The following GRM5 variants were observed in gnomAD, a reference collection of about 807,000 sequenced individuals.
GRM5 encodes the protein metabotropic glutamate receptor 5.
Under a neutral mutation model 83.1 loss-of-function variants are expected in GRM5, and 19 were observed. The observed-to-expected ratio is 0.23, with a 90% CI of 0.16 to 0.34. The LOEUF (loss-of-function observed/expected upper bound fraction) is 0.34. Among genes scored for constraint, GRM5 ranks in the 10% least tolerant of loss-of-function variants. The pLI, the probability that GRM5 is intolerant of heterozygous loss-of-function variation, is 1.00. For missense variants in GRM5, 1,160 were observed against 1,588.3 expected (o/e 0.73, Z 4.58); for synonymous variants, 675 against 633.6 (o/e 1.07, Z -0.98).
intron 8 of GRM5, among the ~76,000 whole-genome samples, chr11:88,525,774 A>C (rs2135108869): frequency 6.6e-6 from 1 of 152,360 alleles, no homozygotes; most frequent in East Asian, 1.9e-4. Flanking sequence ...GTCAGACACT[A>C]TGCTAGAACT....
chr11:88,567,213 T>G lies in GRM5; in HGVS notation c.2470A>C (p.Ile824Leu). 1 of 1,614,112 alleles carries G rather than the reference T, an allele frequency of 6.2e-7. No individual in the cohort carries two copies. Among genetic ancestry groups the G allele is most frequent in the Non-Finnish European group, 8.5e-7 (1 of 1,179,990 alleles). Residue 824 changes from isoleucine (I) to leucine (L), a missense_variant, in exon 8 of 10, where the codon ATC becomes CTC. Physicochemically the swap from Ile to Leu is conservative, Grantham distance 5. Around this residue, in one of 9 missense-constraint regions of GRM5, gnomAD observed 66 missense variants for 138.6 expected, o/e 0.48. Coordinates refer to ENST00000305447, the MANE Select transcript of GRM5 (RefSeq NM_001143831.3). This position sits in a 1 kb window ranked among gnomAD's most constrained non-coding sequence, Gnocchi z 7.3. ...TTTCTCTCTGGTTTGGCCAGGATGA[T>G]GTACACCTTCGGCACAAACATGCAG... ...LGCMFVPKVY[I>L]ILAKPERNVR...
chr11:88,987,453 A>G (rs1019436978), intron 2 of GRM5, among the ~76,000 whole-genome samples: 12 of 151,948 alleles, frequency 7.9e-5, no homozygotes, highest in African/African-American at 2.7e-4. Context: ...GCCATTGCCC[A>G]GGCTTGCTTA....
intron 6 of GRM5, among the ~76,000 whole-genome samples, chr11:88,591,523 C>T (rs1467428887): frequency 1.3e-5 from 2 of 152,170 alleles, no homozygotes; most frequent in African/African-American, 2.4e-5. Flanking sequence ...CCGGAATAGA[C>T]AGCATTCATT....
chr11:88,852,226 T>C (rs1944400289), intron 2 of GRM5, among the ~76,000 whole-genome samples: 1 of 152,314 alleles, frequency 6.6e-6, no homozygotes, highest in East Asian at 1.9e-4. Flanking sequence ...ACACTGTTTA[T>C]GTTTATATAA....
chr11:89,056,176 G>A (rs1401359177), intron 1 of GRM5, among the ~76,000 whole-genome samples: 2 of 151,792 alleles, frequency 1.3e-5, no homozygotes, highest in South Asian at 2.1e-4. Context: ...ATTTAAAGAT[G>A]ATATTTCTGG....
At chr11:88,947,465 C>A (rs1357877722) in intron 2 of GRM5, among the ~76,000 whole-genome samples, 4 of 152,004 alleles carry the variant, frequency 2.6e-5, no homozygotes, top group African/African-American at 9.7e-5. Context: ...GTTGTACTTA[C>A]AAATACACAT....
rs1937623198 is a variant in GRM5, at chr11:88,590,709, C to T, written c.1582G>A (p.Val528Ile). ...GGTGTACAGGTCCAACAACAGCTGA[C>T]TTCTCCCTTTCGGATCACCTAAGGC... ...GQIKVIRKGE[V>I]SCCWTCTPCK... The change falls in exon 7 of 10, where the codon GTC becomes ATC. Residue 528 changes from valine (V) to isoleucine (I), a missense_variant. This residue lies in a region of GRM5 where 132 missense variants were observed against 245.5 expected (regional missense o/e 0.54). Transcript: ENST00000305447. 1 of 1,611,860 alleles carries T rather than the reference C, an allele frequency of 6.2e-7. No homozygotes were observed. Among genetic ancestry groups the T allele is most frequent in the Admixed American group, 1.7e-5 (1 of 59,966 alleles).
intron 1 of GRM5, among the ~76,000 whole-genome samples, chr11:89,053,182 C>T (rs909702062): frequency 1.6e-4 from 24 of 151,986 alleles, no homozygotes; most frequent in African/African-American, 5.8e-4. Context: ...TGATTCAGCT[C>T]ATAGAGACAC....
chr11:89,041,237 G>A (rs1265194160), intron 2 of GRM5, among the ~76,000 whole-genome samples: 1 of 152,208 alleles, frequency 6.6e-6, no homozygotes, highest in Non-Finnish European at 1.5e-5. Context: ...TAGAACTGTG[G>A]AAGTGTCCAC....
intron 1 of GRM5, among the ~76,000 whole-genome samples, chr11:89,054,195 GGTAAGTA>G (rs1402586103): frequency 6.6e-6 from 1 of 152,114 alleles, no homozygotes; most frequent in Non-Finnish European, 1.5e-5. Flanking sequence ...TTGGAGATAC[GGTAAGTA>G]CAAGTGGTGA....
intron 3 of GRM5, among the ~76,000 whole-genome samples, chr11:88,738,626 A>T (rs966668060): frequency 3.3e-5 from 5 of 152,128 alleles, no homozygotes; most frequent in Admixed American, 6.6e-5. Context: ...TTTAAATCAC[A>T]TAAAGTGGTC....
intron 3 of GRM5, among the ~76,000 whole-genome samples, chr11:88,799,905 T>C (rs1046805027): frequency 1.3e-5 from 2 of 152,166 alleles, no homozygotes; most frequent in Non-Finnish European, 2.9e-5. Flanking sequence ...CAGTCTGGGC[T>C]TTGATCCCAG....
At chr11:88,904,709 T>C (rs1457646310) in intron 2 of GRM5, among the ~76,000 whole-genome samples, 1 of 152,222 alleles carries the variant, frequency 6.6e-6, no homozygotes, top group Non-Finnish European at 1.5e-5. Context: ...TATATGTGCA[T>C]GTATTACACA....
intron 9 of GRM5, among the ~76,000 whole-genome samples, chr11:88,524,341 C>T (rs530528658): frequency 1.3e-5 from 2 of 151,800 alleles, no homozygotes; most frequent in South Asian, 2.1e-4. Flanking sequence ...CCTCAGTCTC[C>T]TGAGTAGCTG....
chr11:88,796,610 C>T (rs1943279579), intron 3 of GRM5, among the ~76,000 whole-genome samples: 2 of 151,980 alleles, frequency 1.3e-5, no homozygotes, highest in African/African-American at 4.8e-5. Flanking sequence ...TTTTTAAGTG[C>T]CATGATATTT....
intron 3 of GRM5, among the ~76,000 whole-genome samples, chr11:88,672,760 T>C (rs572067291): frequency 1.3e-5 from 2 of 152,066 alleles, no homozygotes; most frequent in East Asian, 1.9e-4. Context: ...AATAATGTTA[T>C]AAAAAGACAT....
chr11:88,614,606 G>C (rs568624931), intron 4 of GRM5, among the ~76,000 whole-genome samples: 1 of 152,258 alleles, frequency 6.6e-6, no homozygotes, highest in Admixed American at 6.5e-5. Context: ...AAATCACAGT[G>C]TGTAGGGCAT....
chr11:88,935,149 T>A (rs1032227264), intron 2 of GRM5, among the ~76,000 whole-genome samples: 4 of 151,976 alleles, frequency 2.6e-5, no homozygotes, highest in African/African-American at 9.7e-5. Flanking sequence ...AGCTTTCAAC[T>A]TCACTAACAA....
chr11:88,645,446 G>T lies in GRM5; in HGVS notation c.1147+7722C>A, dbSNP rs577269630. On this transcript the variant is annotated intron_variant, in intron 4 of 9. Coordinates refer to ENST00000305447, the MANE Select transcript of GRM5 (RefSeq NM_001143831.3). ...TACAGAAACACAGGAGCTTAACTGG[G>T]CATGCAATTTTAAAATGAAAGATCA... is the stretch of plus-strand genomic sequence containing the variant. Among the ~76,000 whole-genome samples, 8 of 152,204 alleles carry T rather than the reference G, an allele frequency of 5.3e-5. No individual in the cohort carries two copies. In the South Asian group the frequency reaches 1.5e-3, roughly 28 times the overall value.
Sources: allele counts gnomAD v4.1 joint callset (sites outside exome capture counted in the v4.1 genomes callset), GRCh38; gene constraint gnomAD v4.1.1; regional missense constraint gnomAD v4.1.1; non-coding constraint Gnocchi (gnomAD v3.1); transcripts MANE v1.5; gene names NCBI Gene and HGNC (gene_info 2026-07-23, HGNC 2026-07-21).